Variants in AGPAT2 observed in about 807,000 individuals in gnomAD.
AGPAT2 encodes the protein 1-acyl-sn-glycerol-3-phosphate acyltransferase beta.
AGPAT2 carries 18 observed loss-of-function variants against 26.1 expected under a neutral mutation model. The observed-to-expected ratio is 0.69, with a 90% CI of 0.48 to 1.02. AGPAT2 has a LOEUF of 1.02. Ranked by LOEUF, AGPAT2 falls within the 50% of genes least tolerant of loss-of-function variation. The pLI, the probability that AGPAT2 is intolerant of heterozygous loss-of-function variation, is 0.00. For missense variants in AGPAT2, 415 were observed against 394.9 expected (o/e 1.05, Z -0.43); for synonymous variants, 200 against 174.2 (o/e 1.15, Z -1.16).
At chr9:136,681,771 C>T (rs1234652986) in intron 1 of AGPAT2, among the ~76,000 whole-genome samples, 3 of 152,160 alleles carry the variant, frequency 2.0e-5, no homozygotes, top group African/African-American at 7.2e-5. Flanking sequence ...CATTGTACTC[C>T]AGCCTGGGTG....
chr9:136,677,584 G>T, intron 1 of AGPAT2, 28 bp from the exon 2 acceptor site: 1 of 1,612,704 alleles, frequency 6.2e-7, no homozygotes, highest in East Asian at 2.2e-5. Flanking sequence ...ATGAACACGG[G>T]TCCCACAGAT....
In AGPAT2 at chr9:136,687,439, T is replaced by C; in HGVS notation, c.-82A>G. The C allele has an allele frequency of 2.6e-6, 3 of 1,172,610 alleles. No homozygotes were observed. Among genetic ancestry groups the C allele is most frequent in the South Asian group, 2.2e-5 (1 of 45,348 alleles). 72.6% of individuals were successfully genotyped at this position (1,172,610 alleles called of 1,614,324 possible). Reference sequence around the variant, plus strand: ...CTCCCCCGCGCGCTCAGGCCCCTTATTGCGAGGGCGGCGGGGCTGGGCGGG... The same window carrying C: ...CTCCCCCGCGCGCTCAGGCCCCTTACTGCGAGGGCGGCGGGGCTGGGCGGG... On this transcript the variant is annotated 5_prime_UTR_variant, in exon 1 of 6. Coordinates refer to ENST00000371696, the MANE Select transcript of AGPAT2 (RefSeq NM_006412.4).
chr9:136,683,757 C>G (rs1846189832), intron 1 of AGPAT2, among the ~76,000 whole-genome samples: 1 of 152,328 alleles, frequency 6.6e-6, no homozygotes, highest in South Asian at 2.1e-4. Flanking sequence ...TGGGCCTGCA[C>G]AGAGACACCT....
chr9:136,676,748 C>T, intron 3 of AGPAT2, 68 bp from the exon 4 acceptor site: 1 of 1,478,068 alleles, frequency 6.8e-7, no homozygotes, highest in Non-Finnish European at 9.4e-7. Context: ...CGCCGCCTCG[C>T]CTCCTAAGAA....
At chr9:136,678,490 G>A (rs1846121059) in intron 1 of AGPAT2, among the ~76,000 whole-genome samples, 2 of 152,188 alleles carry the variant, frequency 1.3e-5, no homozygotes, top group Admixed American at 6.5e-5. Context: ...GAGCCAGGAG[G>A]ACGGAGCTCC....
rs2131024033 is a variant in AGPAT2, at chr9:136,687,350, A to G, written c.8T>C (p.Leu3Pro). 1.3e-6 allele frequency: 2 copies of G among 1,530,718 alleles called. No homozygotes were observed. Among genetic ancestry groups the G allele is most frequent in the African/African-American group, 2.9e-5 (2 of 70,086 alleles). 94.8% of individuals were successfully genotyped at this position (1,530,718 alleles called of 1,614,324 possible). The change falls in exon 1 of 6, where the codon CTG becomes CCG. Residue 3 changes from leucine to proline, a missense_variant. Physicochemically the swap from Leu to Pro is moderately conservative, Grantham distance 98. Coordinates refer to ENST00000371696, the MANE Select transcript of AGPAT2 (RefSeq NM_006412.4). Reference protein sequence around the residue: MELWPCLAAALLL... With the variant: MEPWPCLAAALLL... ...CAGCGCCGCGGCCAGACACGGCCAC[A>G]GCTCCATGGCCCGGCCCGGCGCCCG...
At chr9:136,687,095 G>T in intron 1 of AGPAT2, 81 bp downstream of exon 1, 1 of 1,448,912 alleles carries the variant, frequency 6.9e-7, no homozygotes, top group Non-Finnish European at 9.2e-7. Flanking sequence ...GGGGCAGGAA[G>T]GAGGGAAGCC....
rs1361140209 is a variant in AGPAT2 at position 136,685,704 on chromosome 9, C to A, written c.182+1472G>T. Among the ~76,000 whole-genome samples, 4 of 152,178 alleles carry A rather than the reference C, an allele frequency of 2.6e-5. No homozygotes were observed. In the South Asian group the frequency reaches 8.3e-4, roughly 31 times the overall value. ...TCGGGGTGGGGGGCACCCCAAGGAACCCACAGACTGGCCCCTCCTCAGCTG... is the reference window on the plus strand; with the variant it reads ...TCGGGGTGGGGGGCACCCCAAGGAAACCACAGACTGGCCCCTCCTCAGCTG... On this transcript the variant is annotated intron_variant, in intron 1 of 5. Transcript: ENST00000371696.
chr9:136,687,061 G>T, intron 1 of AGPAT2, 115 bp downstream of exon 1: 1 of 1,243,264 alleles, frequency 8.0e-7, no homozygotes, highest in Non-Finnish European at 1.1e-6. Flanking sequence ...TCTCCCCGGA[G>T]CCCCGGAGCG....
At chr9:136,682,930 G>A (rs540531048) in intron 1 of AGPAT2, among the ~76,000 whole-genome samples, 8 of 152,222 alleles carry the variant, frequency 5.3e-5, no homozygotes, top group Admixed American at 3.3e-4. Flanking sequence ...CTATGGCCTC[G>A]GGCAAAGCAT....
At position 136,687,250 on chromosome 9, in the gene AGPAT2, C is replaced by G; in HGVS notation, c.108G>C (p.Leu36=). Residue 36 remains leucine, a synonymous_variant, in exon 1 of 6, where the codon CTG becomes CTC. Transcript: ENST00000371696. ...AGGCCACGGCGGACACCGTGAAGCA[C>G]AGCGCGCAGTACAGGGCGACCTTGG... ...FYAKVALYCA[L]CFTVSAVASL... 2 of 1,595,564 alleles carry G rather than the reference C, an allele frequency of 1.3e-6. No homozygotes were observed. Among genetic ancestry groups the G allele is most frequent in the Non-Finnish European group, 1.7e-6 (2 of 1,174,652 alleles).
intron 3 of AGPAT2, 116 bp downstream of exon 3, chr9:136,676,845 G>C (rs1846096531): frequency 2.2e-6 from 3 of 1,346,834 alleles, no homozygotes; most frequent in African/African-American, 2.9e-5. Context: ...CACCTGCGGA[G>C]CATGGATGAT....
chr9:136,673,666 G>A lies in AGPAT2; in HGVS notation c.*86C>T. 1 of 1,382,426 alleles carries A rather than the reference G, an allele frequency of 7.2e-7. No individual in the cohort carries two copies. The highest frequency in any genetic ancestry group is 9.6e-7 in the Non-Finnish European group (1 of 1,037,030). The allele number at this position is 1,382,426 out of a possible 1,614,324, so 85.6% of individuals were successfully genotyped here. On this transcript the variant is annotated 3_prime_UTR_variant, in exon 6 of 6. Coordinates refer to ENST00000371696, the MANE Select transcript of AGPAT2 (RefSeq NM_006412.4). The stretch of plus-strand genomic sequence containing the variant: ...GGGGGAGCCGGACAGAGTGGTATTT[G>A]GAAGCCGGGAGGAGTCCCCTCTGCC...
chr9:136,686,085 C>T (rs1180027285), intron 1 of AGPAT2, among the ~76,000 whole-genome samples: 1 of 152,224 alleles, frequency 6.6e-6, no homozygotes, highest in Non-Finnish European at 1.5e-5. Context: ...CACCATCAGG[C>T]CCAGGGTCCT....
intron 3 of AGPAT2, 35 bp downstream of exon 3, chr9:136,676,926 C>T (rs1456232475): frequency 1.3e-6 from 2 of 1,593,960 alleles, no homozygotes; most frequent in Non-Finnish European, 1.7e-6. Context: ...CCAGGCCCCA[C>T]CCCAACCCCA....
chr9:136,677,149 GA>G lies in AGPAT2; in HGVS notation c.317-14del. On this transcript the variant is annotated splice_polypyrimidine_tract_variant and intron_variant, in intron 2 of 5. Transcript: ENST00000371696. ...ACCTCCATGAGGCCTGGGAGACAGA[GA>G]GACAGAGACAGAGAGAGAGGGGGAG... The G allele has an allele frequency of 6.2e-7, 1 of 1,612,288 alleles. No homozygotes were observed. The highest frequency in any genetic ancestry group is 8.5e-7 in the Non-Finnish European group (1 of 1,179,628).
At chr9:136,676,146 C>T (rs1381234942) in intron 4 of AGPAT2, among the ~76,000 whole-genome samples, 1 of 152,212 alleles carries the variant, frequency 6.6e-6, no homozygotes, top group Non-Finnish European at 1.5e-5. Context: ...CAATGAGCTC[C>T]ACCCACCCTG....
At chr9:136,681,297 G>A (rs367695304) in intron 1 of AGPAT2, among the ~76,000 whole-genome samples, 3 of 152,156 alleles carry the variant, frequency 2.0e-5, no homozygotes, top group Admixed American at 6.5e-5. Context: ...CCAGGCCAGC[G>A]GGAGGCTGTG....
chr9:136,674,921 G>T, intron 4 of AGPAT2, 114 bp from the exon 5 acceptor site: 1 of 618,972 alleles, frequency 1.6e-6, no homozygotes. Flanking sequence ...TGCCTTCGCT[G>T]CTGCCATGGG....
Sources: allele counts gnomAD v4.1 joint callset (sites outside exome capture counted in the v4.1 genomes callset), GRCh38; gene constraint gnomAD v4.1.1; transcripts MANE v1.5; gene names NCBI Gene and HGNC (gene_info 2026-07-23, HGNC 2026-07-21).